MYOM2: variants seen among roughly 807,000 people sequenced by gnomAD.
MYOM2 encodes the protein myomesin 2, also known as myomesin-2.
A neutral mutation model predicts 187.6 loss-of-function variants in MYOM2; 254 were observed. The ratio of observed to expected loss-of-function variants is 1.35; its 90% CI spans 1.22 to 1.50. The LOEUF (loss-of-function observed/expected upper bound fraction) is 1.50, where lower values mean the gene tolerates loss of function less well. MYOM2 is among the 40% of genes most tolerant of loss of function. The probability of loss-of-function intolerance (pLI) is 0.00; values close to 1 mark genes in which losing one functional copy is unlikely to be tolerated. For synonymous variants in MYOM2, 981 were observed against 753.8 expected, an observed-to-expected ratio of 1.30 and a Z score of -4.94; for missense variants, 2,796 against 1,924.0, an observed-to-expected ratio of 1.45 and a Z score of -8.48.
chr8:2,076,568 C>A (rs1002218309), intron 11 of MYOM2: 11 of 392,670 alleles, frequency 2.8e-5, no homozygotes, highest in Admixed American at 4.2e-5. Context: ...CAGGCTCACT[C>A]TGAGCCCCGC....
chr8:2,097,530 T>C (rs1796535907), intron 18 of MYOM2, among the ~76,000 whole-genome samples: 1 of 152,186 alleles, frequency 6.6e-6, no homozygotes, highest in East Asian at 1.9e-4. Context: ...TTATTTAGTT[T>C]TCGAGACAGA....
intron 1 of MYOM2, among the ~76,000 whole-genome samples, chr8:2,046,257 C>A (rs1818307503): frequency 6.6e-6 from 1 of 152,248 alleles, no homozygotes; most frequent in African/African-American, 2.4e-5. Flanking sequence ...GAGGAATGGG[C>A]TCCACACGTT....
chr8:2,048,942 A>G (rs532154198), intron 1 of MYOM2, among the ~76,000 whole-genome samples: 1 of 151,680 alleles, frequency 6.6e-6, no homozygotes, highest in Non-Finnish European at 1.5e-5. Flanking sequence ...GGGGACCCCC[A>G]CCATTCTGGC....
At chr8:2,054,076 C>T (rs1818578998) in intron 3 of MYOM2, among the ~76,000 whole-genome samples, 1 of 152,132 alleles carries the variant, frequency 6.6e-6, no homozygotes, top group South Asian at 2.1e-4. Context: ...GGATTCCAGC[C>T]CTTATTAGAA....
At chr8:2,071,135 T>G (rs930011391) in intron 8 of MYOM2, among the ~76,000 whole-genome samples, 21 of 151,736 alleles carry the variant, frequency 1.4e-4, no homozygotes, top group African/African-American at 5.1e-4. Flanking sequence ...ACCCGGCTCG[T>G]TTTTTCTTTA....
At chr8:2,099,004 C>T (rs748190518) in intron 19 of MYOM2, 21 bp downstream of exon 19, 10 of 1,585,370 alleles carry the variant, frequency 6.3e-6, no homozygotes, top group Non-Finnish European at 8.6e-6. Flanking sequence ...GCCCCCAGGA[C>T]ACCCGCGTTC....
intron 21 of MYOM2, among the ~76,000 whole-genome samples, chr8:2,105,727 C>G (rs1218092993): frequency 1.3e-5 from 2 of 152,164 alleles, no homozygotes; most frequent in Non-Finnish European, 2.9e-5. Context: ...CAGGTCCTCC[C>G]TAAAGTGTTT....
intron 11 of MYOM2, among the ~76,000 whole-genome samples, chr8:2,078,343 A>T (rs999024292): frequency 5.9e-5 from 9 of 152,182 alleles, no homozygotes; most frequent in Non-Finnish European, 1.0e-4. Context: ...TGGGCCTCAG[A>T]CGGGCCAAGC....
At position 2,143,525 on chromosome 8, in the gene MYOM2, G is replaced by A. The variant is rs143565098; in HGVS notation, c.4080+69G>A. 4,259 of 1,592,608 alleles carry A rather than the reference G, an allele frequency of 2.7e-3. 62 individuals carry two copies. In the East Asian group the frequency reaches 0.037, roughly 14 times the overall value. On this transcript the variant is annotated intron_variant, in intron 36 of 36. Transcript: ENST00000262113. ...GCGATGGACGCAACCCCTTCTCTTG[G>A]GGCGGAGCAGAGGGAACCCAGTGAG...
intron 28 of MYOM2, among the ~76,000 whole-genome samples, 200 bp from the exon 29 acceptor site, chr8:2,123,052 T>A (rs10088902): frequency 0.28 from 42,997 of 152,120 alleles, 6,185 homozygotes; most frequent in East Asian, 0.37. Flanking sequence ...GGACTTAATT[T>A]TCTTAGAAGC....
rs571115158 is a variant in MYOM2 at position 2,089,144 on chromosome 8, G to A, written c.1645-864G>A. 1.5e-4 allele frequency among the ~76,000 whole-genome samples: 12 copies of A among 77,834 alleles called. No homozygotes were observed. In the South Asian group the frequency reaches 4.5e-3, roughly 29 times the overall value. 51.1% of individuals were successfully genotyped at this position (77,834 alleles called of 152,430 possible). A position where few individuals can be genotyped will look rare whatever the true frequency, so the allele number is the denominator to read the frequency against. ...TTTCAGCAGGCTTACCAGGGTCAGTGTATATCCAACTTTTACTACCACAAA... is the reference window on the plus strand; with the variant it reads ...TTTCAGCAGGCTTACCAGGGTCAGTATATATCCAACTTTTACTACCACAAA... On this transcript the variant is annotated intron_variant, in intron 14 of 36. Coordinates refer to ENST00000262113, the MANE Select transcript of MYOM2 (RefSeq NM_003970.4).
At chr8:2,134,791 C>T (rs1411188124) in intron 32 of MYOM2, among the ~76,000 whole-genome samples, 1 of 152,162 alleles carries the variant, frequency 6.6e-6, no homozygotes, top group Admixed American at 6.5e-5. Flanking sequence ...CCTGCATCTT[C>T]TTAGGAGCAA....
chr8:2,100,515 G>C (rs1266326174), intron 19 of MYOM2: 1 of 253,648 alleles, frequency 3.9e-6, no homozygotes, highest in African/African-American at 2.2e-5. Context: ...CAGGCTCCCT[G>C]AGTGACTGTG....
At chr8:2,083,976 C>T (rs955052805) in intron 13 of MYOM2, among the ~76,000 whole-genome samples, 22 of 152,350 alleles carry the variant, frequency 1.4e-4, no homozygotes, top group East Asian at 7.7e-4. Context: ...CTGCTGTCAG[C>T]GGCTCACACC....
Position 2,141,814 on chromosome 8 carries a change from C to T in MYOM2, c.4002-561C>T, listed in dbSNP as rs139812613. Reference sequence around the variant, plus strand: ...TCTAATCAAGGAAGACTTAAAATGGCGATGCTAGTCCAAGATGGCGGTGCT... The same window carrying T: ...TCTAATCAAGGAAGACTTAAAATGGTGATGCTAGTCCAAGATGGCGGTGCT... On this transcript the variant is annotated intron_variant, in intron 34 of 36. Transcript: ENST00000262113. Among the ~76,000 whole-genome samples, 724 of 152,190 alleles carry T rather than the reference C, an allele frequency of 4.8e-3. 14 individuals carry two copies. The highest frequency in any genetic ancestry group is 0.045 in the East Asian group (233 of 5,170).
At chr8:2,127,643 C>T (rs1314550539) in intron 31 of MYOM2, 1 of 143,096 alleles carries the variant, frequency 7.0e-6, no homozygotes, top group African/African-American at 2.7e-5. Flanking sequence ...GTGACGCAGC[C>T]GCAGGCAGGC....
intron 15 of MYOM2, among the ~76,000 whole-genome samples, chr8:2,090,754 A>G (rs969075361): frequency 4.6e-5 from 7 of 152,210 alleles, no homozygotes. Flanking sequence ...TTTGCTAAGG[A>G]TAATGGCCTC....
rs1585905526 is a variant in MYOM2, at chr8:2,100,117, C to CTTCCTTCCTTCCTTCCTTCCTTCT, written c.2441-748_2441-747insCTTCCTTCCTTCTTTCCTTCCTTC. Among the ~76,000 whole-genome samples the CTTCCTTCCTTCCTTCCTTCCTTCT allele has an allele frequency of 1.3e-3, 114 of 90,964 alleles. 3 individuals carry two copies. Among genetic ancestry groups the CTTCCTTCCTTCCTTCCTTCCTTCT allele is most frequent in the Middle Eastern group, 5.7e-3 (1 of 174 alleles). The allele number at this position is 90,964 out of a possible 152,430, so 59.7% of individuals were successfully genotyped here. On this transcript the variant is annotated intron_variant, in intron 19 of 36. Transcript: ENST00000262113. ...CCTTCCTTCCTTCCTTCTTTCTTTC[C>CTTCCTTCCTTCCTTCCTTCCTTCT]TTCCTTCCTTCTTTCCTTCCTTCCT...
rs572692828 is a variant in MYOM2 at position 2,098,444 on chromosome 8, C to T, written c.2314-413C>T. 3.3e-5 allele frequency among the ~76,000 whole-genome samples: 5 copies of T among 152,272 alleles called. No individual in the cohort carries two copies. The East Asian group carries it at 9.7e-4, about 30-fold the overall frequency. ...GGGCTCCGTCTCCAGGGTGACCCCC[C>T]TTGGGTGCAGGGCAGGGCCCGCTCA... On this transcript the variant is annotated intron_variant, in intron 18 of 36. Coordinates refer to ENST00000262113, the MANE Select transcript of MYOM2 (RefSeq NM_003970.4).
Sources: allele counts gnomAD v4.1 joint callset (sites outside exome capture counted in the v4.1 genomes callset), GRCh38; gene constraint gnomAD v4.1.1; transcripts MANE v1.5; gene names NCBI Gene and HGNC (gene_info 2026-07-23, HGNC 2026-07-21).